Variants in SLC6A17 observed in about 807,000 individuals in gnomAD.
SLC6A17 encodes the protein sodium-dependent neutral amino acid transporter SLC6A17.
Under a neutral mutation model 64.5 loss-of-function variants are expected in SLC6A17, and 21 were observed. That is an observed-to-expected ratio of 0.33 (90% CI 0.23 to 0.47). SLC6A17 has a LOEUF of 0.47. SLC6A17 is among the 20% of genes least tolerant of loss of function. The pLI, the probability that SLC6A17 is intolerant of heterozygous loss-of-function variation, is 1.00. For missense variants in SLC6A17, 682 were observed against 963.2 expected, an observed-to-expected ratio of 0.71 and a Z score of 3.86; for synonymous variants, 372 against 399.5, an observed-to-expected ratio of 0.93 and a Z score of 0.82.
At chr1:110,172,246 G>C (rs1656262434) in intron 3 of SLC6A17, 29 bp downstream of exon 3, 3 of 1,553,640 alleles carry the variant, frequency 1.9e-6, no homozygotes, top group East Asian at 2.4e-5. Context: ...CAGGCACTGA[G>C]TGGGAGGCAG....
chr1:110,172,092 A>C lies in SLC6A17; in HGVS notation c.319A>C (p.Ile107Leu), dbSNP rs199640001. The change falls in exon 3 of 12, where the codon ATC becomes CTC. Residue 107 changes from isoleucine (I) to leucine (L), a missense_variant. Around this residue, in one of 3 missense-constraint regions of SLC6A17, gnomAD observed 415 missense variants for 603.8 expected, o/e 0.69. Coordinates refer to ENST00000331565, the MANE Select transcript of SLC6A17 (RefSeq NM_001010898.4). ...CCTGGTGCCCTACCTGGTGCTGCTG[A>C]TCATCATCGGGATCCCCCTCTTCTT... is the stretch of plus-strand genomic sequence containing the variant. ...AYLVPYLVLL[I>L]IIGIPLFFLE... 270 of 1,613,876 alleles carry C rather than the reference A, an allele frequency of 1.7e-4. No individual in the cohort carries two copies. The highest frequency in any genetic ancestry group is 2.2e-4 in the Non-Finnish European group (260 of 1,179,996).
intron 6 of SLC6A17, among the ~76,000 whole-genome samples, chr1:110,183,464 TGGGGAGGTTGG>T (rs1485666546): frequency 6.6e-6 from 1 of 152,110 alleles, no homozygotes; most frequent in African/African-American, 2.4e-5. Context: ...ACTGGGCTTG[TGGGGAGGTTGG>T]GGGAGACATG....
intron 6 of SLC6A17, among the ~76,000 whole-genome samples, chr1:110,177,270 T>C (rs146012401): frequency 1.3e-5 from 2 of 152,308 alleles, no homozygotes; most frequent in Admixed American, 1.3e-4. Flanking sequence ...TTATTAAAGA[T>C]AATAGACTAC....
chr1:110,192,127 C>T lies in SLC6A17; in HGVS notation c.1020C>T (p.Asn340=). The T allele has an allele frequency of 1.9e-6, 3 of 1,614,220 alleles. No homozygotes were observed. Among genetic ancestry groups the T allele is most frequent in the Non-Finnish European group, 2.5e-6 (3 of 1,180,032 alleles). ...HFDAALVSFI[N]FFTSVLATLV... is the part of the protein sequence containing the mutation. ...ATGCCGCCCTGGTGTCCTTCATCAA[C>T]TTCTTCACGTCAGTGTTGGCCACCC... The change falls in exon 7 of 12, where the codon AAC becomes AAT. Residue 340 remains asparagine (N), a synonymous_variant. Coordinates refer to ENST00000331565, the MANE Select transcript of SLC6A17 (RefSeq NM_001010898.4). The surrounding 1 kb of genome is among the most constrained non-coding windows in gnomAD (Gnocchi z 4.3).
intron 5 of SLC6A17, among the ~76,000 whole-genome samples, chr1:110,175,397 G>A (rs1477922239): frequency 6.6e-6 from 1 of 152,202 alleles, no homozygotes; most frequent in Non-Finnish European, 1.5e-5. Flanking sequence ...GACGCTATGA[G>A]TGAAGGGGGC....
intron 1 of SLC6A17, among the ~76,000 whole-genome samples, chr1:110,159,825 T>C (rs1287789991): frequency 6.6e-6 from 1 of 152,104 alleles, no homozygotes; most frequent in Non-Finnish European, 1.5e-5. Context: ...AAACTAGAAG[T>C]TGGAAAAACA....
intron 1 of SLC6A17, among the ~76,000 whole-genome samples, chr1:110,161,205 G>A (rs1048466043): frequency 3.3e-5 from 5 of 152,180 alleles, no homozygotes; most frequent in Admixed American, 6.5e-5. Flanking sequence ...ATAATAGTCC[G>A]GCCTGTTTTG....
Position 110,192,295 on chromosome 1 carries a change from C to T in SLC6A17, c.1106+82C>T. 6.5e-7 allele frequency: 1 copy of T among 1,548,558 alleles called. No homozygotes were observed. The highest frequency in any genetic ancestry group is 1.8e-5 in the Admixed American group (1 of 55,704). ...GGGCAGGGGTGGGGGCGCAGGTGTG[C>T]ATGGGGAGAGAGGTCCCCTCCACTC... On this transcript the variant is annotated intron_variant, in intron 7 of 11. Coordinates refer to ENST00000331565, the MANE Select transcript of SLC6A17 (RefSeq NM_001010898.4). This position sits in a 1 kb window ranked among gnomAD's most constrained non-coding sequence, Gnocchi z 4.3.
intron 5 of SLC6A17, 90 bp from the exon 6 acceptor site, chr1:110,176,539 C>T (rs1018400249): frequency 1.7e-4 from 205 of 1,214,972 alleles, no homozygotes; most frequent in Non-Finnish European, 2.2e-4. Context: ...CCATCAGGGG[C>T]GGCTCATGTG....
At chr1:110,169,983 G>A (rs1202772738) in intron 2 of SLC6A17, among the ~76,000 whole-genome samples, 3 of 152,202 alleles carry the variant, frequency 2.0e-5, no homozygotes, top group Admixed American at 6.5e-5. Flanking sequence ...GCCTGAGGTG[G>A]ACAGAGCCTG....
At chr1:110,154,388 C>T (rs1557827566) in intron 1 of SLC6A17, among the ~76,000 whole-genome samples, 2 of 152,190 alleles carry the variant, frequency 1.3e-5, no homozygotes, top group Non-Finnish European at 2.9e-5. Flanking sequence ...TGCTGACAAC[C>T]TAGGCATTTA....
At position 110,184,671 on chromosome 1, in the gene SLC6A17, C is replaced by T. The variant is rs531528067; in HGVS notation, c.865-7301C>T. Among the ~76,000 whole-genome samples, 6 of 152,222 alleles carry T rather than the reference C, an allele frequency of 3.9e-5. No individual in the cohort carries two copies. The South Asian group carries it at 1.0e-3, about 26-fold the overall frequency. ...CCCAACTTAGCATGTTGAGGAAGTG[C>T]CGAGGCTGGGAGCAAGGGCAGTGGC... On this transcript the variant is annotated intron_variant, in intron 6 of 11. Coordinates refer to ENST00000331565, the MANE Select transcript of SLC6A17 (RefSeq NM_001010898.4).
rs1284306178 is a variant in SLC6A17, at chr1:110,198,393, A to G, written c.2133A>G (p.Gly711=). Reference sequence around the variant, plus strand: ...TGGAGACCAGCGGTAACCCCAATGGACGCTATGGGAGCGGCTACCTGCTGG... The same window carrying G: ...TGGAGACCAGCGGTAACCCCAATGGGCGCTATGGGAGCGGCTACCTGCTGG... ...SPLETSGNPN[G]RYGSGYLLAS... The change falls in exon 12 of 12, where the codon GGA becomes GGG. Residue 711 remains glycine (G), a synonymous_variant. Transcript: ENST00000331565. 1 of 1,613,706 alleles carries G rather than the reference A, an allele frequency of 6.2e-7. No individual in the cohort carries two copies. The highest frequency in any genetic ancestry group is 2.2e-5 in the East Asian group (1 of 44,872).
intron 6 of SLC6A17, among the ~76,000 whole-genome samples, chr1:110,182,346 A>T (rs1432076080): frequency 6.6e-6 from 1 of 151,870 alleles, no homozygotes; most frequent in Non-Finnish European, 1.5e-5. Flanking sequence ...CATCAAGAGT[A>T]CTCTTTTGGA....
At chr1:110,180,031 T>G (rs10465645) in intron 6 of SLC6A17, among the ~76,000 whole-genome samples, 53,231 of 152,056 alleles carry the variant, frequency 0.35, 11,091 homozygotes, top group Non-Finnish European at 0.47. Context: ...GAGGATCCCT[T>G]GAGTCTAAGA....
intron 2 of SLC6A17, among the ~76,000 whole-genome samples, chr1:110,169,083 T>G (rs1399629386): frequency 6.6e-6 from 1 of 152,234 alleles, no homozygotes; most frequent in African/African-American, 2.4e-5. Flanking sequence ...AAATATTTTT[T>G]AGGAGGAGGC....
At chr1:110,165,342 T>A (rs1656019208) in intron 1 of SLC6A17, among the ~76,000 whole-genome samples, 1 of 152,156 alleles carries the variant, frequency 6.6e-6, no homozygotes, top group Non-Finnish European at 1.5e-5. Context: ...AATGGGGTGT[T>A]CAACTGACCC....
chr1:110,189,140 G>A (rs1656761729), intron 6 of SLC6A17, among the ~76,000 whole-genome samples: 1 of 152,192 alleles, frequency 6.6e-6, no homozygotes, highest in South Asian at 2.1e-4. Context: ...CAGCACACCT[G>A]CTACTCAGAA....
rs756317772 is a variant in SLC6A17 at position 110,192,491 on chromosome 1, G to A, written c.1107-15G>A. On this transcript the variant is annotated splice_polypyrimidine_tract_variant and intron_variant, in intron 7 of 11. Coordinates refer to ENST00000331565, the MANE Select transcript of SLC6A17 (RefSeq NM_001010898.4). This position sits in a 1 kb window ranked among gnomAD's most constrained non-coding sequence, Gnocchi z 4.3. ...CCCTGCCTTCTTACCTGGTCCTCTC[G>A]GTTTTGTGCTGCAGGAATGCTGAGA... The A allele has an allele frequency of 1.2e-6, 2 of 1,606,080 alleles. No homozygotes were observed. Among genetic ancestry groups the A allele is most frequent in the Non-Finnish European group, 1.7e-6 (2 of 1,175,800 alleles).
Sources: allele counts gnomAD v4.1 joint callset (sites outside exome capture counted in the v4.1 genomes callset), GRCh38; gene constraint gnomAD v4.1.1; regional missense constraint gnomAD v4.1.1; non-coding constraint Gnocchi (gnomAD v3.1); transcripts MANE v1.5; gene names NCBI Gene and HGNC (gene_info 2026-07-23, HGNC 2026-07-21).